NTM: variants seen among roughly 807,000 people sequenced by gnomAD.
NTM encodes neurotrimin, also known as IgLON family member 2.
NTM carries 13 observed loss-of-function variants against 42.1 expected under a neutral mutation model. The ratio of observed to expected loss-of-function variants is 0.31; its 90% confidence interval spans 0.20 to 0.49. The LOEUF is 0.49. NTM is among the 20% of genes least tolerant of loss of function. The probability of loss-of-function intolerance (pLI) is 0.99; values close to 1 mark genes in which losing one functional copy is unlikely to be tolerated. For synonymous variants in NTM, 187 were observed against 179.2 expected, an observed-to-expected ratio of 1.04 and a Z score of -0.35; for missense variants, 373 against 452.8, an observed-to-expected ratio of 0.82 and a Z score of 1.60.
chr11:131,524,777 G>T (rs1328925267), intron 1 of NTM, among the ~76,000 whole-genome samples: 2 of 152,238 alleles, frequency 1.3e-5, no homozygotes, highest in African/African-American at 4.8e-5. Context: ...ATGAACAGAG[G>T]GACAATTCAG....
At chr11:131,754,295 G>GGA (rs2083012249) in intron 1 of NTM, among the ~76,000 whole-genome samples, 1 of 151,522 alleles carries the variant, frequency 6.6e-6, no homozygotes. Context: ...AAAAAAAAAA[G>GGA]AAAAAAGAAA....
chr11:131,459,005 C>A (rs527699023), intron 1 of NTM, among the ~76,000 whole-genome samples: 1 of 152,262 alleles, frequency 6.6e-6, no homozygotes, highest in African/African-American at 2.4e-5. Context: ...TACTTGGCTT[C>A]CCTGGAGAAG....
At chr11:131,501,158 T>G (rs1009239218) in intron 1 of NTM, among the ~76,000 whole-genome samples, 1 of 152,080 alleles carries the variant, frequency 6.6e-6, no homozygotes, top group Admixed American at 6.5e-5. Flanking sequence ...AATCTCTGCC[T>G]TCAAGGGGTT....
intron 1 of NTM, among the ~76,000 whole-genome samples, chr11:131,800,025 A>C (rs563122418): frequency 7.9e-5 from 12 of 152,230 alleles, no homozygotes; most frequent in African/African-American, 2.9e-4. Context: ...GATGATGGAC[A>C]TAAAGCACCT....
At chr11:132,086,052 C>T (rs1056508066) in intron 2 of NTM, among the ~76,000 whole-genome samples, 22 of 151,930 alleles carry the variant, frequency 1.4e-4, no homozygotes, top group South Asian at 2.1e-4. Flanking sequence ...AGGCAGGGCA[C>T]GGTGGCTCAC....
chr11:132,121,477 C>G (rs2064816662), intron 2 of NTM, among the ~76,000 whole-genome samples: 1 of 151,952 alleles, frequency 6.6e-6, no homozygotes, highest in Non-Finnish European at 1.5e-5. Flanking sequence ...AATGCCCCAG[C>G]TCCATTTATT....
chr11:131,660,310 G>T lies in NTM; in HGVS notation c.83-251254G>T, dbSNP rs1323173758. ...TCTGTAGAAGCAGGTCTGAAAGACAGATGCTGCAGGATGAAGAGGGGGATG... is the reference window on the plus strand; with the variant it reads ...TCTGTAGAAGCAGGTCTGAAAGACATATGCTGCAGGATGAAGAGGGGGATG... On this transcript the variant is annotated intron_variant, in intron 1 of 8. Coordinates refer to ENST00000683400, the MANE Select transcript of NTM (RefSeq NM_001352005.2). 49 of 359,286 alleles carry T rather than the reference G, an allele frequency of 1.4e-4. 3 individuals carry two copies. The highest frequency in any genetic ancestry group is 9.6e-4 in the South Asian group (46 of 48,166). 22.3% of individuals were successfully genotyped at this position (359,286 alleles called of 1,614,324 possible). A position where few individuals can be genotyped will look rare whatever the true frequency, so the allele number is the denominator to read the frequency against.
At chr11:132,266,826 A>G (rs1271096336) in intron 4 of NTM, among the ~76,000 whole-genome samples, 1 of 152,218 alleles carries the variant, frequency 6.6e-6, no homozygotes, top group East Asian at 1.9e-4. Context: ...TTGTTTTAGA[A>G]CAAGCACATA....
intron 2 of NTM, among the ~76,000 whole-genome samples, chr11:132,086,871 C>T (rs1395512691): frequency 6.6e-6 from 1 of 152,188 alleles, no homozygotes; most frequent in Non-Finnish European, 1.5e-5. Flanking sequence ...ATTAACTTTT[C>T]TCAGTCTGGA....
intron 1 of NTM, among the ~76,000 whole-genome samples, chr11:131,766,641 C>T (rs886604868): frequency 6.6e-6 from 1 of 152,264 alleles, no homozygotes; most frequent in East Asian, 1.9e-4. Flanking sequence ...GACAGAGCAG[C>T]CTCCATTATT....
At chr11:131,948,364 C>A (rs1342931102) in intron 2 of NTM, among the ~76,000 whole-genome samples, 154 of 92,660 alleles carry the variant, frequency 1.7e-3, no homozygotes, top group African/African-American at 2.8e-3. Context: ...GACTCCATCT[C>A]AAAAAAAACA....
intron 1 of NTM, among the ~76,000 whole-genome samples, chr11:131,392,154 A>T (rs1045691105): frequency 1.3e-5 from 2 of 152,358 alleles, no homozygotes; most frequent in East Asian, 3.9e-4. Flanking sequence ...ATTCCATTAA[A>T]GCAAAAAGTC....
intron 1 of NTM, among the ~76,000 whole-genome samples, chr11:131,531,767 C>G (rs965045299): frequency 6.6e-6 from 1 of 152,086 alleles, no homozygotes; most frequent in Non-Finnish European, 1.5e-5. Context: ...AGGTGAAATG[C>G]TTTAAGAAAG....
rs573131354 is a variant in NTM, at chr11:132,248,398, T to C, written c.526+36251T>C. ...TGGCAGTGCTATAGCCCTTGAGGTT[T>C]TTTTTTTCTCTTTCTTCTCCCCTTG... is the stretch of plus-strand genomic sequence containing the variant. On this transcript the variant is annotated intron_variant, in intron 4 of 8. Coordinates refer to ENST00000683400, the MANE Select transcript of NTM (RefSeq NM_001352005.2). Among the ~76,000 whole-genome samples the C allele has an allele frequency of 7.6e-3, 1,115 of 147,412 alleles. 6 individuals carry two copies. Among genetic ancestry groups the C allele is most frequent in the African/African-American group, 0.026 (1,050 of 40,944 alleles).
intron 1 of NTM, among the ~76,000 whole-genome samples, chr11:131,815,183 G>A (rs1197715533): frequency 6.6e-6 from 1 of 152,042 alleles, no homozygotes; most frequent in African/African-American, 2.4e-5. Context: ...ATCCCCTTGC[G>A]GCCTATGGCT....
chr11:131,502,815 C>T (rs755957088), intron 1 of NTM: 10 of 152,256 alleles, frequency 6.6e-5, no homozygotes, highest in Non-Finnish European at 1.2e-4. Context: ...CTGTGTAACA[C>T]AGCATCTGAT....
chr11:132,042,527 T>A (rs1172208560), intron 2 of NTM, among the ~76,000 whole-genome samples: 1 of 152,234 alleles, frequency 6.6e-6, no homozygotes, highest in Non-Finnish European at 1.5e-5. Context: ...TTTAATGCTA[T>A]GCTGAAATCT....
intron 1 of NTM, among the ~76,000 whole-genome samples, chr11:131,574,420 T>C (rs2057739901): frequency 6.6e-6 from 1 of 152,124 alleles, no homozygotes; most frequent in Admixed American, 6.5e-5. Flanking sequence ...AGGCATAAAT[T>C]GAGACCCAGA....
chr11:131,926,827 G>T (rs945661975), intron 2 of NTM, among the ~76,000 whole-genome samples: 2 of 152,144 alleles, frequency 1.3e-5, no homozygotes, highest in Non-Finnish European at 2.9e-5. Flanking sequence ...GCGAGGATCC[G>T]GGGTTTTCTA....
Sources: gnomAD v4.1 joint callset for allele counts (sites outside exome capture counted in the v4.1 genomes callset) on GRCh38, gnomAD v4.1.1 for gene constraint, MANE v1.5 for transcripts, NCBI Gene and HGNC (gene_info 2026-07-23, HGNC 2026-07-21) for gene names.